Variants in MID2 observed in about 807,000 individuals in gnomAD.
MID2 encodes probable E3 ubiquitin-protein ligase MID2.
Under a neutral mutation model 46.1 loss-of-function variants are expected in MID2, and 13 were observed. The ratio of observed to expected loss-of-function variants is 0.28; its 90% CI spans 0.18 to 0.45. The LOEUF is 0.45. Ranked by LOEUF, MID2 falls within the 20% of genes least tolerant of loss-of-function variation. The pLI is 1.00. For synonymous variants in MID2, 199 were observed against 212.3 expected (o/e 0.94, Z 0.55); for missense variants, 431 against 575.4 (o/e 0.75, Z 2.57).
Position 107,826,250 on chromosome X carries a change from T to C in MID2, c.-177T>C. ...GGCGGATCCCGGCTGCTGCGCGGCG[T>C]CGGCGACGGTAGCGGCAGCGGCGGC... On this transcript the variant is annotated 5_prime_UTR_variant, in exon 1 of 10. Coordinates refer to ENST00000262843, the MANE Select transcript of MID2 (RefSeq NM_012216.4). 1 of 418,019 alleles carries C rather than the reference T, an allele frequency of 2.4e-6. No individual in the cohort carries two copies. Among genetic ancestry groups the C allele is most frequent in the Non-Finnish European group, 3.5e-6 (1 of 289,387 alleles). 34.4% of individuals were successfully genotyped at this position (418,019 alleles called of 1,213,427 possible). A position where few individuals can be genotyped will look rare whatever the true frequency, so the allele number is the denominator to read the frequency against.
chrX:107,926,823 G>A lies in MID2; in HGVS notation c.1958G>A (p.Arg653His), dbSNP rs894152778. Reference sequence around the variant, plus strand: ...GTGGATGTGCCCCCACACCTGAAGCGTCTGGGTGTCCTCCTGGATTATGAC... The same window carrying A: ...GTGGATGTGCCCCCACACCTGAAGCATCTGGGTGTCCTCCTGGATTATGAC... ...MLVDVPPHLK[R>H]LGVLLDYDNN... Residue 653 changes from arginine to histidine, a missense_variant, in exon 10 of 10, where the codon CGT (arginine) becomes CAT (histidine). Transcript: ENST00000262843. 1.7e-6 allele frequency: 2 copies of A among 1,211,516 alleles called. No individual in the cohort carries two copies. The highest frequency in any genetic ancestry group is 3.0e-5 in the East Asian group (1 of 33,854).
intron 3 of MID2, among the ~76,000 whole-genome samples, chrX:107,890,317 T>C (rs1426646663): frequency 8.9e-6 from 1 of 112,284 alleles, no homozygotes; most frequent in Non-Finnish European, 1.9e-5. Flanking sequence ...CCTTTCTGTT[T>C]ATTAGTTTTC....
chrX:107,910,825 T>C (rs778786464), intron 5 of MID2, among the ~76,000 whole-genome samples: 2 of 45,033 alleles, frequency 4.4e-5, no homozygotes, highest in Non-Finnish European at 6.6e-5. Context: ...TTCCTTTCCT[T>C]TCCTTTCCTT....
At chrX:107,896,569 ATTAG>A (rs1037787711) in intron 3 of MID2, among the ~76,000 whole-genome samples, 7 of 112,436 alleles carry the variant, frequency 6.2e-5, no homozygotes, top group Non-Finnish European at 1.3e-4. Context: ...CATTATTTTT[ATTAG>A]TTAGACATAG....
chrX:107,883,240 T>C (rs757574700), intron 3 of MID2, among the ~76,000 whole-genome samples: 5 of 111,020 alleles, frequency 4.5e-5, no homozygotes, highest in East Asian at 2.8e-4. Context: ...TGAGGAGAAA[T>C]GCCTAATGTA....
chrX:107,877,641 T>C (rs1932228775), intron 3 of MID2, among the ~76,000 whole-genome samples: 2 of 112,089 alleles, frequency 1.8e-5, no homozygotes, highest in Non-Finnish European at 3.8e-5. Context: ...CACTCACCTA[T>C]GCCTTCATCC....
intron 3 of MID2, among the ~76,000 whole-genome samples, chrX:107,883,173 G>C (rs751295199): frequency 9.0e-6 from 1 of 111,249 alleles, no homozygotes; most frequent in African/African-American, 3.3e-5. Flanking sequence ...GAAACAGGGA[G>C]GGGAACATTA....
chrX:107,833,577 G>A lies in MID2; in HGVS notation c.5-7093G>A, dbSNP rs146683713. 1.6e-4 allele frequency among the ~76,000 whole-genome samples: 17 copies of A among 108,694 alleles called. 1 individual carries two copies. The East Asian group carries it at 4.9e-3, about 31-fold the overall frequency. 94.4% of individuals were successfully genotyped at this position (108,694 alleles called of 115,157 possible). A position where few individuals can be genotyped will look rare whatever the true frequency, so the allele number is the denominator to read the frequency against. On this transcript the variant is annotated intron_variant, in intron 1 of 9. Coordinates refer to ENST00000262843, the MANE Select transcript of MID2 (RefSeq NM_012216.4). Reference sequence around the variant, plus strand: ...GCTCAGATACATGCTTTGCAGACCCGGAAGAAAAAAAATTAGATGGAATAA... The same window carrying A: ...GCTCAGATACATGCTTTGCAGACCCAGAAGAAAAAAAATTAGATGGAATAA...
intron 3 of MID2, among the ~76,000 whole-genome samples, chrX:107,856,971 T>C (rs1334906138): frequency 8.9e-6 from 1 of 112,077 alleles, no homozygotes; most frequent in Non-Finnish European, 1.9e-5. Flanking sequence ...TTGTACCAGG[T>C]ATAAAGAAAA....
intron 3 of MID2, among the ~76,000 whole-genome samples, chrX:107,872,474 C>G (rs1388538387): frequency 8.9e-6 from 1 of 112,392 alleles, no homozygotes; most frequent in African/African-American, 3.2e-5. Context: ...ATTATTAACA[C>G]TTATCTTTTG....
intron 1 of MID2, among the ~76,000 whole-genome samples, chrX:107,834,660 TG>T (rs1209214922): frequency 1.3e-4 from 15 of 112,043 alleles, no homozygotes; most frequent in Admixed American, 1.3e-3. Flanking sequence ...CTGAGAATTT[TG>T]TAACACTCAT....
intron 2 of MID2, among the ~76,000 whole-genome samples, chrX:107,842,833 C>T (rs779016799): frequency 9.8e-5 from 11 of 111,851 alleles, no homozygotes; most frequent in East Asian, 5.6e-4. Flanking sequence ...CTAGTCGAAG[C>T]GCTCTACTTT....
intron 8 of MID2, among the ~76,000 whole-genome samples, chrX:107,925,029 C>T (rs747530697): frequency 8.9e-6 from 1 of 112,686 alleles, no homozygotes; most frequent in South Asian, 3.7e-4. Context: ...GCTCCTTCTC[C>T]CTGTGTGCAT....
chrX:107,882,241 T>G (rs977642374), intron 3 of MID2, among the ~76,000 whole-genome samples: 5 of 111,675 alleles, frequency 4.5e-5, no homozygotes, highest in African/African-American at 1.6e-4. Flanking sequence ...AGACCTAAAA[T>G]CATAAAAACC....
chrX:107,866,477 A>AC (rs1931961245), intron 3 of MID2, among the ~76,000 whole-genome samples: 3 of 87,926 alleles, frequency 3.4e-5, no homozygotes, highest in Non-Finnish European at 6.8e-5. Flanking sequence ...ACACACACAC[A>AC]ACACTGACCT....
At chrX:107,917,836 A>G (rs1213836721) in intron 7 of MID2, 97 bp downstream of exon 7, 1 of 736,571 alleles carries the variant, frequency 1.4e-6, no homozygotes, top group Non-Finnish European at 2.0e-6. Context: ...GATGGGTAAC[A>G]AGCAAGTTGT....
intron 3 of MID2, among the ~76,000 whole-genome samples, chrX:107,861,740 T>C (rs1386823461): frequency 8.9e-6 from 1 of 112,617 alleles, no homozygotes; most frequent in Non-Finnish European, 1.9e-5. Context: ...GTCAGACTCA[T>C]AAATGCTCTG....
intron 2 of MID2, among the ~76,000 whole-genome samples, chrX:107,853,413 C>T (rs1315547038): frequency 9.0e-6 from 1 of 111,297 alleles, no homozygotes; most frequent in Non-Finnish European, 1.9e-5. Context: ...GATCCTCCCA[C>T]CTCAGCCTCC....
intron 3 of MID2, among the ~76,000 whole-genome samples, chrX:107,884,555 G>C (rs182554633): frequency 1.3e-3 from 149 of 112,258 alleles, no homozygotes; most frequent in African/African-American, 4.7e-3. Context: ...TTACAATCCA[G>C]ACTTTTTCCC....
Sources: allele counts gnomAD v4.1 joint callset (sites outside exome capture counted in the v4.1 genomes callset), GRCh38; gene constraint gnomAD v4.1.1; transcripts MANE v1.5; gene names NCBI Gene and HGNC (gene_info 2026-07-23, HGNC 2026-07-21).